The following TBL3 variants were observed in gnomAD, a reference collection of about 807,000 sequenced individuals.
The protein encoded by TBL3 is transducin beta like 3, also known as transducin beta-like protein 3.
TBL3 carries 71 observed loss-of-function variants against 102.7 expected under a neutral mutation model. The ratio of observed to expected loss-of-function variants is 0.69; its 90% confidence interval spans 0.57 to 0.84. The LOEUF is 0.84. Among genes scored for constraint, TBL3 ranks in the 40% least tolerant of loss-of-function variants. TBL3 has a pLI of 0.00. For missense variants in TBL3, 1,188 were observed against 1,098.5 expected (o/e 1.08, Z -1.15); for synonymous variants, 578 against 477.7 (o/e 1.21, Z -2.74).
Position 1,978,781 on chromosome 16 carries a change from C to T in TBL3, c.*96C>T. ...CTGTCTCTCTGGACTGCAGTCCAGC[C>T]CCCCACCCTGGCCAACACCCTACCT... On this transcript the variant is annotated 3_prime_UTR_variant, in exon 22 of 22. Transcript: ENST00000568546. 6.9e-7 allele frequency: 1 copy of T among 1,446,010 alleles called. No individual in the cohort carries two copies. Among genetic ancestry groups the T allele is most frequent in the Non-Finnish European group, 9.4e-7 (1 of 1,064,726 alleles). The allele number at this position is 1,446,010 out of a possible 1,614,324, so 89.6% of individuals were successfully genotyped here. A position where few individuals can be genotyped will look rare whatever the true frequency, so the allele number is the denominator to read the frequency against.
At position 1,980,982 on chromosome 16, in the gene TBL3, T is replaced by A; in HGVS notation, c.*2297T>A. 6.2e-7 allele frequency: 1 copy of A among 1,613,240 alleles called. No individual in the cohort carries two copies. Among genetic ancestry groups the A allele is most frequent in the Non-Finnish European group, 8.5e-7 (1 of 1,180,024 alleles). On this transcript the variant is annotated 3_prime_UTR_variant, in exon 22 of 22. Transcript: ENST00000568546. ...GTCCCAACTCCTGCGCACGAAGGTG[T>A]CGCTGCCGTCTGACCAGCGCACAGA...
At position 1,977,152 on chromosome 16, in the gene TBL3, G is replaced by A. The variant is rs151202715; in HGVS notation, c.1539G>A (p.Leu513=). Residue 513 remains leucine, a synonymous_variant, in exon 15 of 22, where the codon CTG becomes CTA. Transcript: ENST00000568546. ...AKLWALPQCQ[L]LGVFSGHRRG... is the part of the protein sequence containing the mutation. The stretch of plus-strand genomic sequence containing the variant: ...TCTGGGCCCTGCCACAGTGCCAGCT[G>A]CTGGGTGTCTTCTCAGGCCACCGGC... 1 of 1,612,966 alleles carries A rather than the reference G, an allele frequency of 6.2e-7. No individual in the cohort carries two copies. Among genetic ancestry groups the A allele is most frequent in the African/African-American group, 1.3e-5 (1 of 74,920 alleles).
chr16:1,979,372 A>G lies in TBL3; in HGVS notation c.*687A>G. ...TACCTGCGAGGGGCGGGGTGTGGTTAGGGCCCCGCCCGCCTCGGCTAGCCT... is the reference window on the plus strand; with the variant it reads ...TACCTGCGAGGGGCGGGGTGTGGTTGGGGCCCCGCCCGCCTCGGCTAGCCT... On this transcript the variant is annotated 3_prime_UTR_variant, in exon 22 of 22. Transcript: ENST00000568546. The G allele has an allele frequency of 1.3e-6, 2 of 1,587,436 alleles. No individual in the cohort carries two copies. Among genetic ancestry groups the G allele is most frequent in the East Asian group, 4.6e-5 (2 of 43,566 alleles).
Position 1,978,943 on chromosome 16 carries a change from G to C in TBL3, c.*258G>C, listed in dbSNP as rs1597052545. On this transcript the variant is annotated 3_prime_UTR_variant, in exon 22 of 22. Transcript: ENST00000568546. ...CATGCAGAACAAGCTTTACTCAGAG[G>C]AACAGCAAATGGCCCCCTCCCATCC... 2.5e-6 allele frequency: 3 copies of C among 1,199,748 alleles called. No individual in the cohort carries two copies. The highest frequency in any genetic ancestry group is 3.5e-6 in the Non-Finnish European group (3 of 866,928). 74.3% of individuals were successfully genotyped at this position (1,199,748 alleles called of 1,614,324 possible).
chr16:1,980,714 G>A lies in TBL3; in HGVS notation c.*2029G>A. On this transcript the variant is annotated 3_prime_UTR_variant, in exon 22 of 22. Coordinates refer to ENST00000568546, the MANE Select transcript of TBL3 (RefSeq NM_006453.3). ...GCAGCAGGCCCGCCTCCACCGGGAA[G>A]GTCTCCTTGAGGGTCTTCTGAGGGC... 6.2e-7 allele frequency: 1 copy of A among 1,604,730 alleles called. No individual in the cohort carries two copies. Among genetic ancestry groups the A allele is most frequent in the Non-Finnish European group, 8.5e-7 (1 of 1,175,978 alleles).
rs143113972 is a variant in TBL3, at chr16:1,977,119, G to A, written c.1506G>A (p.Thr502=). The change falls in exon 15 of 22, where the codon ACG becomes ACA. Residue 502 remains threonine (T), a synonymous_variant. Coordinates refer to ENST00000568546, the MANE Select transcript of TBL3 (RefSeq NM_006453.3). ...KLLATGSQDR[T]AKLWALPQCQ... ...TGGCCACAGGCTCACAGGACCGCAC[G>A]GCCAAGCTCTGGGCCCTGCCACAGT... 430 of 1,613,050 alleles carry A rather than the reference G, an allele frequency of 2.7e-4. No homozygotes were observed. The highest frequency in any genetic ancestry group is 1.7e-3 in the African/African-American group (130 of 75,024).
At position 1,978,789 on chromosome 16, in the gene TBL3, C is replaced by A. The variant is rs892191478; in HGVS notation, c.*104C>A. On this transcript the variant is annotated 3_prime_UTR_variant, in exon 22 of 22. Transcript: ENST00000568546. ...CTGGACTGCAGTCCAGCCCCCCACCCTGGCCAACACCCTACCTAGCCAGCC... is the reference window on the plus strand; with the variant it reads ...CTGGACTGCAGTCCAGCCCCCCACCATGGCCAACACCCTACCTAGCCAGCC... 3.7e-5 allele frequency: 53 copies of A among 1,424,926 alleles called. No homozygotes were observed. In the African/African-American group the frequency reaches 6.7e-4, roughly 18 times the overall value. The allele number at this position is 1,424,926 out of a possible 1,614,324, so 88.3% of individuals were successfully genotyped here.
At position 1,978,901 on chromosome 16, in the gene TBL3, G is replaced by A; in HGVS notation, c.*216G>A. On this transcript the variant is annotated 3_prime_UTR_variant, in exon 22 of 22. Coordinates refer to ENST00000568546, the MANE Select transcript of TBL3 (RefSeq NM_006453.3). Reference sequence around the variant, plus strand: ...AGAGATCCAGCCCGCGGCTCCGCACGCTTAGACGGTGGGGGTCATGCAGAA... The same window carrying A: ...AGAGATCCAGCCCGCGGCTCCGCACACTTAGACGGTGGGGGTCATGCAGAA... 1.8e-6 allele frequency: 2 copies of A among 1,096,894 alleles called. No homozygotes were observed. The highest frequency in any genetic ancestry group is 1.5e-5 in the South Asian group (1 of 68,012). 67.9% of individuals were successfully genotyped at this position (1,096,894 alleles called of 1,614,324 possible).
In TBL3 at chr16:1,976,968, C is replaced by T. The variant is rs774547454; in HGVS notation, c.1440+7C>T. The stretch of plus-strand genomic sequence containing the variant: ...TCAGCGCTGCCATGATAAGGTGACT[C>T]CATAGCCACTGGGGTGGGGGTGTGG... On this transcript the variant is annotated splice_region_variant and intron_variant, in intron 14 of 21. Transcript: ENST00000568546. The T allele has an allele frequency of 1.4e-5, 23 of 1,613,698 alleles. No individual in the cohort carries two copies. In the South Asian group the frequency reaches 2.3e-4, roughly 16 times the overall value.
intron 1 of TBL3, among the ~76,000 whole-genome samples, chr16:1,973,378 T>C (rs543408985): frequency 6.6e-6 from 1 of 152,134 alleles, no homozygotes; most frequent in East Asian, 1.9e-4. Flanking sequence ...TGCAGTGAGC[T>C]GAGATCGTGC....
chr16:1,980,173 A>G lies in TBL3; in HGVS notation c.*1488A>G, dbSNP rs1178452179. 2 of 1,600,002 alleles carry G rather than the reference A, an allele frequency of 1.3e-6. No homozygotes were observed. The highest frequency in any genetic ancestry group is 3.4e-5 in the Admixed American group (2 of 58,052). Reference sequence around the variant, plus strand: ...AGGCTGCTCCTCTGGGGTGGGCAGGATCACCCGGCTGGGAAGGGCAGCCCG... The same window carrying G: ...AGGCTGCTCCTCTGGGGTGGGCAGGGTCACCCGGCTGGGAAGGGCAGCCCG... On this transcript the variant is annotated 3_prime_UTR_variant, in exon 22 of 22. Coordinates refer to ENST00000568546, the MANE Select transcript of TBL3 (RefSeq NM_006453.3).
chr16:1,974,259 G>A lies in TBL3; in HGVS notation c.156G>A (p.Val52=), dbSNP rs772778834. The change falls in exon 3 of 22, where the codon GTG becomes GTA. Residue 52 remains valine (V), a synonymous_variant. Transcript: ENST00000568546. The part of the protein sequence containing the change: ...VCGTRVNILE[V]ASGAVLRSLE... ...GCACCAGAGTCAACATTCTGGAAGT[G>A]GCCTCGGGGGCCGTGCTGCGGAGTC... The A allele has an allele frequency of 6.2e-7, 1 of 1,602,300 alleles. No homozygotes were observed. Among genetic ancestry groups the A allele is most frequent in the South Asian group, 1.1e-5 (1 of 89,744 alleles).
Position 1,979,855 on chromosome 16 carries a change from G to T in TBL3, c.*1170G>T, listed in dbSNP as rs1280721543. On this transcript the variant is annotated 3_prime_UTR_variant, in exon 22 of 22. Coordinates refer to ENST00000568546, the MANE Select transcript of TBL3 (RefSeq NM_006453.3). ...CGGGGCCGCCTCCTCCAGGTAGGGC[G>T]CTGGAAACCAGGCGGTCTGCCGGTC... 5.1e-6 allele frequency: 8 copies of T among 1,581,110 alleles called. No individual in the cohort carries two copies. The highest frequency in any genetic ancestry group is 6.0e-6 in the Non-Finnish European group (7 of 1,164,930).
chr16:1,973,945 C>T (rs1041505566), intron 1 of TBL3, 111 bp from the exon 2 acceptor site: 19 of 1,214,016 alleles, frequency 1.6e-5, no homozygotes, highest in Non-Finnish European at 1.9e-5. Context: ...TGCCCAGAAA[C>T]TCAAGGGCAG....
Position 1,980,580 on chromosome 16 carries a change from C to T in TBL3, c.*1895C>T. ...CACAAAAACGTACTGTGATACGCCGCTTTGGGCTTCACTGGTCCCTGGCGC... is the reference window on the plus strand; with the variant it reads ...CACAAAAACGTACTGTGATACGCCGTTTTGGGCTTCACTGGTCCCTGGCGC... On this transcript the variant is annotated 3_prime_UTR_variant, in exon 22 of 22. Transcript: ENST00000568546. 1 of 1,595,748 alleles carries T rather than the reference C, an allele frequency of 6.3e-7. No individual in the cohort carries two copies. The highest frequency in any genetic ancestry group is 8.5e-7 in the Non-Finnish European group (1 of 1,169,934).
rs767484477 is a variant in TBL3, at chr16:1,981,113, C to G, written c.*2428C>G. On this transcript the variant is annotated 3_prime_UTR_variant, in exon 22 of 22. Transcript: ENST00000568546. ...CCACTAAGGACCCAGCCAGGTCTTA[C>G]TTGGAGCCTCTTGATCTGCACCAGG... 6.2e-7 allele frequency: 1 copy of G among 1,613,430 alleles called. No individual in the cohort carries two copies.
Position 1,979,051 on chromosome 16 carries a change from C to T in TBL3, c.*366C>T, listed in dbSNP as rs1384178410. On this transcript the variant is annotated 3_prime_UTR_variant, in exon 22 of 22. Coordinates refer to ENST00000568546, the MANE Select transcript of TBL3 (RefSeq NM_006453.3). The stretch of plus-strand genomic sequence containing the variant: ...CCATCCCCTCATCGGGATCCTCGCG[C>T]TCACTGCTCCGTCGTGGGGTGCGGC... 6.5e-7 allele frequency: 1 copy of T among 1,544,866 alleles called. No individual in the cohort carries two copies. Among genetic ancestry groups the T allele is most frequent in the Non-Finnish European group, 8.7e-7 (1 of 1,155,974 alleles).
chr16:1,976,216 G>C lies in TBL3; in HGVS notation c.1194G>C (p.Gln398His), dbSNP rs755164000. The change falls in exon 13 of 22, where the codon CAG becomes CAC. Residue 398 changes from glutamine (Q) to histidine (H), a missense_variant. By Grantham distance (24) the Gln-to-His change is conservative (BLOSUM62 0). Coordinates refer to ENST00000568546, the MANE Select transcript of TBL3 (RefSeq NM_006453.3). ...GWLFASCAKD[Q>H]SVRIWRMNKA... ...CCTCAACTCCCTGTCCCCAGGATCA[G>C]AGCGTCCGTATCTGGAGAATGAACA... The C allele has an allele frequency of 1.5e-5, 24 of 1,614,068 alleles. No individual in the cohort carries two copies. Among genetic ancestry groups the C allele is most frequent in the South Asian group, 1.1e-4 (10 of 91,084 alleles).
In TBL3 at chr16:1,974,765, G is replaced by A; in HGVS notation, c.382G>A (p.Gly128Ser). Residue 128 changes from glycine to serine, a missense_variant and splice_region_variant, in exon 6 of 22, where the codon GGC becomes AGC. Transcript: ENST00000568546. ...CCCCTCACCTTGCTTCCCCGCAGGTGGCTGTGATGGGGCCGTGCGCGTCTG... is the reference window on the plus strand; with the variant it reads ...CCCCTCACCTTGCTTCCCCGCAGGTAGCTGTGATGGGGCCGTGCGCGTCTG... ...DPTSTLLATG[G>S]CDGAVRVWDI... 6.2e-7 allele frequency: 1 copy of A among 1,612,752 alleles called. No homozygotes were observed. The highest frequency in any genetic ancestry group is 8.5e-7 in the Non-Finnish European group (1 of 1,179,978).
Sources: allele counts gnomAD v4.1 joint callset (sites outside exome capture counted in the v4.1 genomes callset), GRCh38; gene constraint gnomAD v4.1.1; transcripts MANE v1.5; gene names NCBI Gene and HGNC (gene_info 2026-07-23, HGNC 2026-07-21).